ASPRV1: variants seen among roughly 807,000 people sequenced by gnomAD.
The protein encoded by ASPRV1 is aspartic peptidase retroviral like 1, also known as retroviral-like aspartic protease 1.
ASPRV1 carries 7 observed loss-of-function variants against 11.0 expected under a neutral mutation model. The ratio of observed to expected loss-of-function variants is 0.64; its 90% CI spans 0.36 to 1.20. The LOEUF (loss-of-function observed/expected upper bound fraction) is 1.20, where lower values mean the gene tolerates loss of function less well. ASPRV1 is among the 50% of genes most tolerant of loss of function. ASPRV1 has a pLI of 0.02. For missense variants in ASPRV1, 299 were observed against 320.0 expected (o/e 0.93, Z 0.50); for synonymous variants, 136 against 138.4 (o/e 0.98, Z 0.12).
the ASPRV1 span, among the ~76,000 whole-genome samples, chr2:69,997,498 G>A: frequency 2.0e-3 from 307 of 152,172 alleles, 1 homozygote; most frequent in African/African-American, 6.4e-3. Flanking sequence ...GAGTCACCCC[G>A]GGCTTCTCCT....
chr2:69,961,331 A>G lies in ASPRV1; in HGVS notation c.106T>C (p.Phe36Leu). The change falls in exon 1 of 1, where the codon TTT becomes CTT. Residue 36 changes from phenylalanine (F) to leucine (L), a missense_variant. Physicochemically the swap from Phe to Leu is conservative, Grantham distance 22. Transcript: ENST00000320256. The part of the protein sequence containing the change: ...NVVPNLWLHS[F>L]EVINDLNHWD... ...TGGTTGAGGTCATTGATGACTTCAA[A>G]GCTGTGCAGCCAGAGGTTTGGGACG... is the stretch of plus-strand genomic sequence containing the variant. 6.2e-7 allele frequency: 1 copy of G among 1,614,126 alleles called. No individual in the cohort carries two copies. Among genetic ancestry groups the G allele is most frequent in the Non-Finnish European group, 8.5e-7 (1 of 1,180,020 alleles).
the ASPRV1 span, chr2:69,938,503 G>A: frequency 7.5e-6 from 4 of 536,344 alleles, no homozygotes; most frequent in African/African-American, 3.8e-5. Context: ...TTGTCTCTGA[G>A]AGACTATACA....
At chr2:70,050,805 T>C in the ASPRV1 span, 1 of 152,020 alleles carries the variant, frequency 6.6e-6, no homozygotes, top group Admixed American at 6.6e-5. Flanking sequence ...TAGCCAGGTG[T>C]GGTAGCAGGC....
the ASPRV1 span, among the ~76,000 whole-genome samples, chr2:69,934,623 T>C: frequency 3.9e-5 from 6 of 152,238 alleles, no homozygotes; most frequent in South Asian, 6.2e-4. Context: ...ATTCCAGAGT[T>C]TGTCTACATA....
the ASPRV1 span, among the ~76,000 whole-genome samples, chr2:70,002,269 T>C: frequency 0.023 from 3,495 of 152,262 alleles, 134 homozygotes; most frequent in African/African-American, 0.08. Context: ...GAGACATAAA[T>C]GCTATTTCTT....
At chr2:70,032,882 G>C in the ASPRV1 span, among the ~76,000 whole-genome samples, 38 of 152,132 alleles carry the variant, frequency 2.5e-4, no homozygotes, top group Non-Finnish European at 1.5e-5. Context: ...GAAGTTTGCT[G>C]TCCCCCTTTG....
At chr2:69,962,524 T>A (rs965788470), upstream of ASPRV1, 1 of 152,468 alleles carries the variant, frequency 6.6e-6, no homozygotes. Flanking sequence ...ACTATGTTGG[T>A]GATGCCAGTG....
the ASPRV1 span, among the ~76,000 whole-genome samples, chr2:69,953,543 G>A: frequency 2.0e-5 from 3 of 152,202 alleles, no homozygotes; most frequent in Non-Finnish European, 4.4e-5. Flanking sequence ...GGGCAGTTAC[G>A]ACCTGCAGGG....
the ASPRV1 span, among the ~76,000 whole-genome samples, chr2:69,966,756 T>C: frequency 1.3e-5 from 2 of 152,222 alleles, no homozygotes; most frequent in African/African-American, 4.8e-5. Flanking sequence ...TTGAATTGTC[T>C]CTAATGATAA....
At chr2:70,019,434 T>G in the ASPRV1 span, among the ~76,000 whole-genome samples, 72 of 152,270 alleles carry the variant, frequency 4.7e-4, no homozygotes, top group Middle Eastern at 3.4e-3. Context: ...GGAAATGAAA[T>G]CAGTATGTTG....
chr2:70,044,493 CTT>C, the ASPRV1 span, among the ~76,000 whole-genome samples: 1 of 152,162 alleles, frequency 6.6e-6, no homozygotes, highest in Admixed American at 6.5e-5. Flanking sequence ...GAGTTCCACT[CTT>C]GTTGCCCAGG....
the ASPRV1 span, among the ~76,000 whole-genome samples, chr2:69,987,582 C>CAAAA: frequency 2.1e-5 from 1 of 48,346 alleles, no homozygotes. Flanking sequence ...CTCATCTCTA[C>CAAAA]AAAAAAAAAA....
chr2:70,071,940 C>A, the ASPRV1 span, among the ~76,000 whole-genome samples: 3 of 150,388 alleles, frequency 2.0e-5, no homozygotes, highest in Non-Finnish European at 4.4e-5. Context: ...CCAGTCTCTA[C>A]AAAAATTTTT....
chr2:70,010,660 A>G, the ASPRV1 span, among the ~76,000 whole-genome samples: 1 of 152,180 alleles, frequency 6.6e-6, no homozygotes, highest in African/African-American at 2.4e-5. Flanking sequence ...GTTTTTCACC[A>G]CAACACTCCC....
the ASPRV1 span, chr2:70,077,430 A>G: frequency 6.6e-6 from 1 of 152,366 alleles, no homozygotes; most frequent in Admixed American, 6.5e-5. Context: ...GTTACTCTAT[A>G]AAAAGCAATA....
the ASPRV1 span, among the ~76,000 whole-genome samples, chr2:69,972,296 C>T: frequency 6.6e-6 from 1 of 151,104 alleles, no homozygotes; most frequent in South Asian, 2.1e-4. Context: ...CTCTTGACCT[C>T]GTGATCCTCC....
At chr2:70,056,322 A>G in the ASPRV1 span, 1 of 152,172 alleles carries the variant, frequency 6.6e-6, no homozygotes, top group African/African-American at 2.4e-5. Context: ...AAAAGTGGTT[A>G]AGGCCGGGCG....
the ASPRV1 span, chr2:69,939,706 G>C: frequency 2.0e-5 from 3 of 152,614 alleles, no homozygotes; most frequent in Non-Finnish European, 4.4e-5. Flanking sequence ...CATTGAATTT[G>C]AACCATTTGT....
chr2:70,037,811 T>C, the ASPRV1 span, among the ~76,000 whole-genome samples: 8 of 152,370 alleles, frequency 5.3e-5, no homozygotes, highest in South Asian at 1.7e-3. Flanking sequence ...AAAAATTATC[T>C]TCTAGTACAT....
Sources: gnomAD v4.1 joint callset for allele counts (sites outside exome capture counted in the v4.1 genomes callset) on GRCh38, gnomAD v4.1.1 for gene constraint, MANE v1.5 for transcripts, NCBI Gene and HGNC (gene_info 2026-07-23, HGNC 2026-07-21) for gene names.